The following SUMF1 variants were observed in gnomAD, a reference collection of about 807,000 sequenced individuals.
SUMF1 encodes sulfatase modifying factor 1, also known as formylglycine-generating enzyme.
A neutral mutation model predicts 47.6 loss-of-function variants in SUMF1; 48 were observed. That is an observed-to-expected ratio of 1.01 (90% CI 0.80 to 1.28). SUMF1 has a LOEUF of 1.28. SUMF1 is among the 50% of genes most tolerant of loss of function. SUMF1 has a pLI of 0.00. For missense variants in SUMF1, 571 were observed against 485.4 expected (o/e 1.18, Z -1.66); for synonymous variants, 230 against 192.1 (o/e 1.20, Z -1.63).
chr3:4,168,237 G>A (rs969650669), intron 8 of SUMF1, among the ~76,000 whole-genome samples: 11 of 152,220 alleles, frequency 7.2e-5, no homozygotes, highest in East Asian at 3.9e-4. Flanking sequence ...TTTGGAACTC[G>A]TGGACAAACT....
chr3:4,325,591 C>G (rs144494361), intron 8 of SUMF1, among the ~76,000 whole-genome samples: 1,798 of 144,282 alleles, frequency 0.012, 19 homozygotes, highest in African/African-American at 0.042. Flanking sequence ...ATGTATATAT[C>G]TGTGTGTATA....
chr3:4,292,321 G>A (rs1360664802), intron 8 of SUMF1, among the ~76,000 whole-genome samples: 4 of 152,198 alleles, frequency 2.6e-5, no homozygotes, highest in East Asian at 3.8e-4. Flanking sequence ...AACGCAAGGC[G>A]TTTTGTTTAG....
At chr3:4,462,033 C>T (rs73807251) in intron 1 of SUMF1, among the ~76,000 whole-genome samples, 1 of 152,178 alleles carries the variant, frequency 6.6e-6, no homozygotes, top group Non-Finnish European at 1.5e-5. Context: ...AATAACAGAA[C>T]CATATGTGGG....
chr3:4,330,679 T>C (rs1420497755), intron 8 of SUMF1, among the ~76,000 whole-genome samples: 1 of 152,240 alleles, frequency 6.6e-6, no homozygotes, highest in African/African-American at 2.4e-5. Flanking sequence ...CCAGATGAAT[T>C]TGTCACTCAA....
chr3:4,352,160 CAAT>C (rs1254106036), intron 8 of SUMF1, among the ~76,000 whole-genome samples: 6 of 152,078 alleles, frequency 3.9e-5, no homozygotes, highest in African/African-American at 1.4e-4. Context: ...ACAATGGACT[CAAT>C]GATACAGTAG....
chr3:4,218,004 C>A lies in SUMF1; in HGVS notation c.1015-149259G>T, dbSNP rs752035655. Among the ~76,000 whole-genome samples the A allele has an allele frequency of 2.6e-5, 4 of 152,094 alleles. No individual in the cohort carries two copies. In the East Asian group the frequency reaches 5.8e-4, roughly 22 times the overall value. On this transcript the variant is annotated intron_variant and NMD_transcript_variant, in intron 8 of 12. Coordinates refer to the SUMF1 transcript ENST00000448413. ...ACATTCAGTTTAATATCATGTTATT[C>A]GCTTAATTCGACATAGTGGTCACTT...
chr3:4,192,823 A>G (rs1695349315), intron 8 of SUMF1, among the ~76,000 whole-genome samples: 1 of 152,132 alleles, frequency 6.6e-6, no homozygotes, highest in South Asian at 2.1e-4. Flanking sequence ...TGAAACTCCA[A>G]TAAAAACTCT....
intron 8 of SUMF1, among the ~76,000 whole-genome samples, chr3:4,142,617 G>C (rs1246268240): frequency 1.3e-5 from 2 of 152,024 alleles, no homozygotes; most frequent in African/African-American, 4.8e-5. Context: ...ACAAAATACA[G>C]ATAAAGGCTA....
intron 9 of SUMF1, among the ~76,000 whole-genome samples, chr3:4,038,852 A>G (rs77002526): frequency 0.012 from 1,841 of 152,290 alleles, 35 homozygotes; most frequent in African/African-American, 0.043. Flanking sequence ...TACCAGGAAA[A>G]TGCAAATCAA....
chr3:4,276,375 T>C (rs1290079010), intron 8 of SUMF1, among the ~76,000 whole-genome samples: 1 of 142,340 alleles, frequency 7.0e-6, no homozygotes, highest in African/African-American at 2.5e-5. Flanking sequence ...ATTCAAAATA[T>C]AACTATCTTT....
downstream of SUMF1, among the ~76,000 whole-genome samples, chr3:4,356,544 C>T (rs1337046464): frequency 6.6e-6 from 1 of 151,936 alleles, no homozygotes; most frequent in African/African-American, 2.4e-5. Context: ...ACATTACTTA[C>T]TTGATCAGTC....
intron 8 of SUMF1, among the ~76,000 whole-genome samples, chr3:4,321,595 TAAATA>T (rs1698835895): frequency 6.7e-6 from 1 of 148,402 alleles, no homozygotes; most frequent in Non-Finnish European, 1.5e-5. Context: ...AGCAAGATAA[TAAATA>T]AAGTAGTACT....
chr3:4,409,035 A>G (rs1701460205), intron 7 of SUMF1, among the ~76,000 whole-genome samples: 1 of 152,192 alleles, frequency 6.6e-6, no homozygotes, highest in Admixed American at 6.5e-5. Flanking sequence ...TCTTTGGATA[A>G]TAAGAAGGCA....
intron 7 of SUMF1, among the ~76,000 whole-genome samples, chr3:4,389,071 A>G (rs1041194097): frequency 1.3e-5 from 2 of 152,274 alleles, no homozygotes; most frequent in African/African-American, 4.8e-5. Flanking sequence ...CCAGTCCGAT[A>G]TTCAAAAGTT....
intron 8 of SUMF1, among the ~76,000 whole-genome samples, chr3:4,271,246 A>T (rs1357814223): frequency 6.6e-6 from 1 of 152,182 alleles, no homozygotes; most frequent in Non-Finnish European, 1.5e-5. Flanking sequence ...ATACAAGAAA[A>T]GGAGCAAGGT....
At chr3:4,423,050 T>C (rs1701954966) in intron 3 of SUMF1, among the ~76,000 whole-genome samples, 1 of 152,188 alleles carries the variant, frequency 6.6e-6, no homozygotes, top group Non-Finnish European at 1.5e-5. Flanking sequence ...TTTCCATTCC[T>C]GAGTTACTTC....
chr3:4,369,810 T>G (rs1470594105), intron 8 of SUMF1, among the ~76,000 whole-genome samples: 1 of 152,150 alleles, frequency 6.6e-6, no homozygotes, highest in Non-Finnish European at 1.5e-5. Context: ...TACAGGCCCA[T>G]GGGCCACACT....
chr3:4,192,106 C>T (rs905354101), intron 8 of SUMF1, among the ~76,000 whole-genome samples: 1 of 152,100 alleles, frequency 6.6e-6, no homozygotes, highest in African/African-American at 2.4e-5. Flanking sequence ...ACAGTCTGGG[C>T]TGAGCTTTGC....
chr3:4,046,126 G>T (rs1695002394), intron 9 of SUMF1, among the ~76,000 whole-genome samples: 1 of 152,150 alleles, frequency 6.6e-6, no homozygotes, highest in Admixed American at 6.6e-5. Context: ...CTCAGGGGGA[G>T]AAAGGAGGGG....
Sources: allele counts gnomAD v4.1 joint callset (sites outside exome capture counted in the v4.1 genomes callset), GRCh38; gene constraint gnomAD v4.1.1; transcripts MANE v1.5; gene names NCBI Gene and HGNC (gene_info 2026-07-23, HGNC 2026-07-21).